The following MYO10 variants were observed in gnomAD, a reference collection of about 807,000 sequenced individuals.
MYO10 encodes myosin X.
MYO10 carries 133 observed loss-of-function variants against 257.3 expected under a neutral mutation model. That is an observed-to-expected ratio of 0.52 (90% CI 0.45 to 0.60). MYO10 has a LOEUF of 0.60. Ranked by LOEUF, MYO10 falls within the 20% of genes least tolerant of loss-of-function variation. The pLI is 0.00. For synonymous variants in MYO10, 1,104 were observed against 1,028.6 expected (o/e 1.07, Z -1.40); for missense variants, 2,399 against 2,635.7 (o/e 0.91, Z 1.97).
chr5:16,681,174 T>C (rs1001294921), intron 32 of MYO10, 135 bp downstream of exon 32: 3 of 942,534 alleles, frequency 3.2e-6, no homozygotes, highest in South Asian at 1.8e-5. Flanking sequence ...CAGACAGGCT[T>C]AGAAGATAAA....
chr5:16,667,919 C>T (rs1448320654), intron 40 of MYO10, among the ~76,000 whole-genome samples: 1 of 152,182 alleles, frequency 6.6e-6, no homozygotes, highest in Non-Finnish European at 1.5e-5. Flanking sequence ...CCGAGTCTCA[C>T]AGCTGTGACA....
chr5:16,708,252 C>G (rs969804490), intron 21 of MYO10, among the ~76,000 whole-genome samples: 1 of 152,206 alleles, frequency 6.6e-6, no homozygotes, highest in Non-Finnish European at 1.5e-5. Context: ...CCATAGGGAT[C>G]TCTCTCCTGA....
At chr5:16,817,185 A>C (rs1411525960) in intron 3 of MYO10, among the ~76,000 whole-genome samples, 3 of 152,222 alleles carry the variant, frequency 2.0e-5, no homozygotes, top group African/African-American at 7.2e-5. Context: ...TAAAGAATAA[A>C]AATGACTAAA....
intron 1 of MYO10, among the ~76,000 whole-genome samples, chr5:16,908,621 GATCCA>G (rs1221577556): frequency 6.6e-6 from 1 of 152,174 alleles, no homozygotes; most frequent in African/African-American, 2.4e-5. Context: ...AATAAAAACA[GATCCA>G]ATCCAATCTC....
chr5:16,787,717 A>AT, intron 4 of MYO10, among the ~76,000 whole-genome samples: 1 of 152,052 alleles, frequency 6.6e-6, no homozygotes, highest in Admixed American at 6.6e-5. Flanking sequence ...AATTGTGAGA[A>AT]TTTTTTGTAA....
chr5:16,755,737 TTTTTA>T (rs976290933), intron 18 of MYO10, among the ~76,000 whole-genome samples: 1 of 151,502 alleles, frequency 6.6e-6, no homozygotes, highest in Non-Finnish European at 1.5e-5. Context: ...TTTTTTTTTT[TTTTTA>T]GAGTTTTTAA....
intron 34 of MYO10, 101 bp downstream of exon 34, chr5:16,675,930 G>C: frequency 1.5e-6 from 2 of 1,351,434 alleles, no homozygotes; most frequent in Admixed American, 2.6e-5. Context: ...GAATAAGAGA[G>C]TCTTTGAGAT....
chr5:16,734,734 G>A (rs942148034), intron 19 of MYO10, among the ~76,000 whole-genome samples: 3 of 152,038 alleles, frequency 2.0e-5, no homozygotes, highest in African/African-American at 7.2e-5. Context: ...GAACCCGGGA[G>A]GCGGAGGTTG....
At chr5:16,775,866 C>A (rs1741196057) in intron 9 of MYO10, among the ~76,000 whole-genome samples, 1 of 151,524 alleles carries the variant, frequency 6.6e-6, no homozygotes, top group African/African-American at 2.4e-5. Flanking sequence ...TCCCAAAGTG[C>A]TGGAATTATA....
intron 23 of MYO10, 87 bp from the exon 24 acceptor site, chr5:16,702,675 G>T (rs1738138500): frequency 3.1e-6 from 4 of 1,296,286 alleles, no homozygotes; most frequent in South Asian, 1.3e-5. Context: ...AAACAGCTTT[G>T]CCAAAGACAG....
At chr5:16,861,881 A>T (rs1302598418) in intron 2 of MYO10, among the ~76,000 whole-genome samples, 1 of 152,164 alleles carries the variant, frequency 6.6e-6, no homozygotes, top group Non-Finnish European at 1.5e-5. Flanking sequence ...GTGTTATTAC[A>T]CCTAGGCTCA....
At chr5:16,726,633 G>T (rs906566214) in intron 19 of MYO10, among the ~76,000 whole-genome samples, 2 of 152,184 alleles carry the variant, frequency 1.3e-5, no homozygotes, top group African/African-American at 4.8e-5. Context: ...GCAAATTCAG[G>T]AAAGGGGGAG....
intron 1 of MYO10, among the ~76,000 whole-genome samples, chr5:16,928,212 C>T (rs929046869): frequency 1.3e-5 from 2 of 152,022 alleles, no homozygotes; most frequent in African/African-American, 4.8e-5. Context: ...TTTATTATTA[C>T]TATTACAATT....
intron 37 of MYO10, among the ~76,000 whole-genome samples, chr5:16,672,294 C>CA (rs10684695): frequency 0.012 from 1,517 of 122,234 alleles, 23 homozygotes; most frequent in African/African-American, 0.023. Flanking sequence ...GACTCCATCT[C>CA]AAAAAAAAAA....
chr5:16,726,890 C>T (rs997572766), intron 19 of MYO10, among the ~76,000 whole-genome samples: 1 of 152,342 alleles, frequency 6.6e-6, no homozygotes, highest in East Asian at 1.9e-4. Flanking sequence ...TATTGGAACA[C>T]AGCCACACAT....
Position 16,762,143 on chromosome 5 carries a change from A to AAAAAATATATATAT in MYO10, c.1588-31_1588-30insATATATATATTTTT, listed in dbSNP as rs370443366. Reference sequence around the variant, plus strand: ...AAAAAAAAAAAAAAAAAAAAAAAAAAATACAATGCCTTATTTCACTCACTG... The same window carrying AAAAAATATATATAT: ...AAAAAAAAAAAAAAAAAAAAAAAAAAAAAAATATATATATATACAATGCCTTATTTCACTCACTG... On this transcript the variant is annotated intron_variant, in intron 15 of 40. Coordinates refer to ENST00000513610, the MANE Select transcript of MYO10 (RefSeq NM_012334.3). The AAAAAATATATATAT allele has an allele frequency of 4.6e-6, 5 of 1,092,330 alleles. No individual in the cohort carries two copies. In the African/African-American group the frequency reaches 7.9e-5, roughly 17 times the overall value. The allele number at this position is 1,092,330 out of a possible 1,614,324, so 67.7% of individuals were successfully genotyped here.
At position 16,858,145 on chromosome 5, in the gene MYO10, G is replaced by A. The variant is rs1744011829; in HGVS notation, c.120+19464C>T. 1.3e-5 allele frequency among the ~76,000 whole-genome samples: 2 copies of A among 152,172 alleles called. 1 individual carries two copies. The highest frequency in any genetic ancestry group is 4.8e-5 in the African/African-American group (2 of 41,432). On this transcript the variant is annotated intron_variant, in intron 2 of 40. Transcript: ENST00000513610. Reference sequence around the variant, plus strand: ...TGAACGCAGTCACAGATAAGAGGCCGATGAATGGGCATGGCTGTGTTCCAA... The same window carrying A: ...TGAACGCAGTCACAGATAAGAGGCCAATGAATGGGCATGGCTGTGTTCCAA...
intron 4 of MYO10, among the ~76,000 whole-genome samples, chr5:16,786,436 G>A (rs1360367591): frequency 6.6e-6 from 1 of 152,050 alleles, no homozygotes; most frequent in Admixed American, 6.5e-5. Context: ...GAAATGCTGG[G>A]GACGAGAAGT....
At chr5:16,855,930 T>C (rs1474119736) in intron 2 of MYO10, among the ~76,000 whole-genome samples, 3 of 152,176 alleles carry the variant, frequency 2.0e-5, no homozygotes, top group African/African-American at 2.4e-5. Context: ...TACGCTATTA[T>C]TAATTATCCC....
Sources: gnomAD v4.1 joint callset for allele counts (sites outside exome capture counted in the v4.1 genomes callset) on GRCh38, gnomAD v4.1.1 for gene constraint, MANE v1.5 for transcripts, NCBI Gene and HGNC (gene_info 2026-07-23, HGNC 2026-07-21) for gene names.